Variants in AK8 observed in about 807,000 individuals in gnomAD.
The protein encoded by AK8 is adenylate kinase 8.
Under a neutral mutation model 54.6 loss-of-function variants are expected in AK8, and 44 were observed. That is an observed-to-expected ratio of 0.81 (90% CI 0.63 to 1.04). The LOEUF (loss-of-function observed/expected upper bound fraction) is 1.04. Ranked by LOEUF, AK8 falls within the 50% of genes least tolerant of loss-of-function variation. The probability of loss-of-function intolerance (pLI) is 0.00; values close to 1 mark genes in which losing one functional copy is unlikely to be tolerated. For synonymous variants in AK8, 239 were observed against 245.6 expected (o/e 0.97, Z 0.25); for missense variants, 555 against 613.6 (o/e 0.90, Z 1.01).
intron 11 of AK8, among the ~76,000 whole-genome samples, chr9:132,753,098 G>T (rs1167653998): frequency 6.6e-6 from 1 of 152,160 alleles, no homozygotes; most frequent in East Asian, 1.9e-4. Flanking sequence ...GCCACAACTG[G>T]GCTCCGAGCT....
intron 5 of AK8, among the ~76,000 whole-genome samples, chr9:132,840,199 A>G (rs1842481636): frequency 6.6e-6 from 1 of 152,130 alleles, no homozygotes; most frequent in Admixed American, 6.6e-5. Context: ...TTTGGAGAGG[A>G]CAAACATTCA....
At chr9:132,732,758 A>AAGCTGT (rs1836908197) in intron 11 of AK8, among the ~76,000 whole-genome samples, 1 of 152,134 alleles carries the variant, frequency 6.6e-6, no homozygotes, top group Non-Finnish European at 1.5e-5. Flanking sequence ...GCCTGTAGCC[A>AAGCTGT]GCCTCAGGCA....
chr9:132,744,573 TCTAATCTA>T (rs1837550277), intron 11 of AK8, among the ~76,000 whole-genome samples: 2 of 152,196 alleles, frequency 1.3e-5, no homozygotes, highest in Admixed American at 1.3e-4. Context: ...CCTTTAGCCC[TCTAATCTA>T]ATAGGATTCA....
At chr9:132,751,448 G>A (rs1318626553) in intron 11 of AK8, among the ~76,000 whole-genome samples, 1 of 148,028 alleles carries the variant, frequency 6.8e-6, no homozygotes, top group Admixed American at 6.8e-5. Flanking sequence ...TTAAGTCTAT[G>A]ATTCCAGCTG....
At chr9:132,820,516 G>A (rs1490048414) in intron 9 of AK8, among the ~76,000 whole-genome samples, 2 of 152,180 alleles carry the variant, frequency 1.3e-5, no homozygotes, top group Admixed American at 1.3e-4. Context: ...GGTTGCCTCT[G>A]TTTCTCATTA....
upstream of AK8, chr9:132,878,423 G>A (rs944915871): frequency 8.9e-6 from 11 of 1,233,560 alleles, no homozygotes; most frequent in African/African-American, 1.7e-4. This position sits in a 1 kb window ranked among gnomAD's most constrained non-coding sequence, Gnocchi z 4.7. Context: ...CGGCTGACGC[G>A]CTCTGCGGCT....
chr9:132,762,107 T>A (rs1332742074), intron 11 of AK8, among the ~76,000 whole-genome samples: 1 of 152,156 alleles, frequency 6.6e-6, no homozygotes. Context: ...TGGCCATAAG[T>A]GATCTGCCCA....
intron 10 of AK8, among the ~76,000 whole-genome samples, chr9:132,800,532 T>A (rs531807316): frequency 1.8e-4 from 28 of 152,286 alleles, no homozygotes; most frequent in African/African-American, 6.7e-4. Context: ...CAAACCCCCA[T>A]CTGGCCGGGC....
chr9:132,744,689 C>T (rs1186921848), intron 11 of AK8, among the ~76,000 whole-genome samples: 1 of 152,174 alleles, frequency 6.6e-6, no homozygotes, highest in Non-Finnish European at 1.5e-5. Flanking sequence ...TTTACAGTGT[C>T]CCCAGGAAAC....
intron 5 of AK8, among the ~76,000 whole-genome samples, chr9:132,833,420 C>T (rs1322022653): frequency 9.2e-5 from 14 of 152,194 alleles, no homozygotes; most frequent in African/African-American, 3.1e-4. Flanking sequence ...GCGGGTCTCA[C>T]GTCCAGGAGT....
chr9:132,816,125 G>A (rs1345162278), intron 9 of AK8, among the ~76,000 whole-genome samples: 5 of 152,096 alleles, frequency 3.3e-5, no homozygotes, highest in African/African-American at 4.8e-5. Flanking sequence ...AGGCCAAGGC[G>A]GGAGGATCAT....
intron 11 of AK8, among the ~76,000 whole-genome samples, chr9:132,788,826 G>A (rs768609873): frequency 2.6e-5 from 4 of 152,048 alleles, no homozygotes; most frequent in Non-Finnish European, 4.4e-5. Context: ...GAAAATCTAC[G>A]AAATTTTCAC....
At chr9:132,829,205 A>C (rs1244783275) in intron 5 of AK8, among the ~76,000 whole-genome samples, 1 of 152,114 alleles carries the variant, frequency 6.6e-6, no homozygotes, top group Non-Finnish European at 1.5e-5. Context: ...TGATCTGCCC[A>C]CCTTGGCCTC....
Position 132,790,908 on chromosome 9 carries a change from G to A in AK8, c.1121+1726C>T, listed in dbSNP as rs1008893375. Among the ~76,000 whole-genome samples, 3 of 151,940 alleles carry A rather than the reference G, an allele frequency of 2.0e-5. No individual in the cohort carries two copies. The highest frequency in any genetic ancestry group is 7.3e-5 in the African/African-American group (3 of 41,360). On this transcript the variant is annotated intron_variant, in intron 11 of 12. Coordinates refer to ENST00000298545, the MANE Select transcript of AK8 (RefSeq NM_152572.3). This position sits in a 1 kb window ranked among gnomAD's most constrained non-coding sequence, Gnocchi z 4.1. The stretch of plus-strand genomic sequence containing the variant: ...TTGAAAAACCCCCTTAGAAAATATG[G>A]AATGAAAATATCTTATTATAATATC...
intron 9 of AK8, 59 bp downstream of exon 9, chr9:132,823,145 AG>A: frequency 6.7e-7 from 1 of 1,485,684 alleles, no homozygotes; most frequent in Non-Finnish European, 8.9e-7. Flanking sequence ...GCTGGGGAGG[AG>A]GGGCAGGAGG....
intron 9 of AK8, among the ~76,000 whole-genome samples, chr9:132,816,248 G>A (rs927977038): frequency 6.6e-6 from 1 of 152,094 alleles, no homozygotes; most frequent in Non-Finnish European, 1.5e-5. Context: ...CAGCTACTTG[G>A]GAGGCTGAGG....
At chr9:132,798,879 C>T (rs747070792) in intron 10 of AK8, among the ~76,000 whole-genome samples, 3 of 152,124 alleles carry the variant, frequency 2.0e-5, no homozygotes, top group South Asian at 2.1e-4. Context: ...ACCGCGGGCC[C>T]GTGTCCCACC....
At position 132,866,895 on chromosome 9, in the gene AK8, T is replaced by C. The variant is rs769403393; in HGVS notation, c.219+9A>G. 8 of 1,613,300 alleles carry C rather than the reference T, an allele frequency of 5.0e-6. No individual in the cohort carries two copies. Among genetic ancestry groups the C allele is most frequent in the South Asian group, 1.1e-5 (1 of 91,066 alleles). ...TACAGCATCACAACACTTAATATGA[T>C]ACACTTACTATTGTTGTTTTCCCTG... On this transcript the variant is annotated intron_variant, in intron 3 of 12. Coordinates refer to ENST00000298545, the MANE Select transcript of AK8 (RefSeq NM_152572.3).
At chr9:132,872,358 TA>T (rs71376671) in intron 2 of AK8, among the ~76,000 whole-genome samples, 137,864 of 152,050 alleles carry the variant, frequency 0.91, 62,697 homozygotes, top group African/African-American at 0.97. Context: ...AGGGAGAAAA[TA>T]AAAAAAAGAG....
Sources: allele counts gnomAD v4.1 joint callset (sites outside exome capture counted in the v4.1 genomes callset), GRCh38; gene constraint gnomAD v4.1.1; non-coding constraint Gnocchi (gnomAD v3.1); transcripts MANE v1.5; gene names NCBI Gene and HGNC (gene_info 2026-07-23, HGNC 2026-07-21).